STRADB: variants seen among roughly 807,000 people sequenced by gnomAD.
The protein encoded by STRADB is STE20-related kinase adapter protein beta.
Under a neutral mutation model 52.1 loss-of-function variants are expected in STRADB, and 34 were observed. That is an observed-to-expected ratio of 0.65 (90% CI 0.50 to 0.87). The LOEUF is 0.87. Among genes scored for constraint, STRADB ranks in the 40% least tolerant of loss-of-function variants. The pLI is 0.00. For missense variants in STRADB, 340 were observed against 483.9 expected (o/e 0.70, Z 2.79); for synonymous variants, 133 against 174.5 (o/e 0.76, Z 1.87).
At chr2:201,464,539 C>A (rs1032064145) in intron 3 of STRADB, among the ~76,000 whole-genome samples, 1 of 152,242 alleles carries the variant, frequency 6.6e-6, no homozygotes, top group African/African-American at 2.4e-5. Flanking sequence ...TGGGTCAGAC[C>A]TGAAGCTCAG....
chr2:201,470,866 A>G (rs1020448462), intron 4 of STRADB, among the ~76,000 whole-genome samples: 2 of 152,232 alleles, frequency 1.3e-5, no homozygotes, highest in African/African-American at 4.8e-5. Context: ...TGAAAAAGGA[A>G]TATTTGAACA....
At chr2:201,459,489 T>C (rs538363996) in intron 3 of STRADB, among the ~76,000 whole-genome samples, 1 of 152,348 alleles carries the variant, frequency 6.6e-6, no homozygotes, top group East Asian at 1.9e-4. Flanking sequence ...CTAAAAACTT[T>C]AGAGTTATCC....
intron 6 of STRADB, 64 bp downstream of exon 6, chr2:201,474,819 G>A: frequency 8.0e-7 from 1 of 1,245,366 alleles, no homozygotes; most frequent in Non-Finnish European, 1.1e-6. Context: ...AGATGAGTTG[G>A]GATTTTAGAT....
At chr2:201,477,563 A>G in intron 7 of STRADB, 56 bp from the exon 8 acceptor site, 1 of 1,471,814 alleles carries the variant, frequency 6.8e-7, no homozygotes, top group South Asian at 1.2e-5. Flanking sequence ...CCAGATTTTT[A>G]TTCTTTCTTC....
chr2:201,473,241 T>G (rs1185517579), intron 5 of STRADB, among the ~76,000 whole-genome samples, 165 bp downstream of exon 5: 1 of 152,190 alleles, frequency 6.6e-6, no homozygotes, highest in Non-Finnish European at 1.5e-5. Context: ...AGCATTTACA[T>G]TGTATTAGGC....
chr2:201,472,664 A>G (rs768241076), intron 4 of STRADB, among the ~76,000 whole-genome samples: 24 of 152,092 alleles, frequency 1.6e-4, no homozygotes, highest in Non-Finnish European at 2.6e-4. Context: ...ATCATAATAG[A>G]TATGTAATGG....
intron 3 of STRADB, among the ~76,000 whole-genome samples, chr2:201,467,686 G>A (rs1038055696): frequency 2.6e-5 from 4 of 151,992 alleles, no homozygotes; most frequent in Admixed American, 1.3e-4. Context: ...ATTGTTGCTG[G>A]AACCTTCACC....
Position 201,479,495 on chromosome 2 carries a change from A to G in STRADB, c.1077A>G (p.Ser359=), listed in dbSNP as rs1367677078. The G allele has an allele frequency of 1.9e-6, 3 of 1,601,728 alleles. No homozygotes were observed. The highest frequency in any genetic ancestry group is 2.5e-6 in the Non-Finnish European group (3 of 1,177,244). ...ACTTTCTTAAAAATTTCAGGCCATC[A>G]GCAAGCAGTTTATTGTCCCATGTTT... ...CLQQDPEKRP[S]ASSLLSHVFF... Residue 359 remains serine (S), a synonymous_variant, in exon 11 of 12, where the codon TCA becomes TCG. Transcript: ENST00000194530.
At chr2:201,479,775 T>C (rs1251775298) in intron 11 of STRADB, among the ~76,000 whole-genome samples, 1 of 152,176 alleles carries the variant, frequency 6.6e-6, no homozygotes, top group Non-Finnish European at 1.5e-5. Context: ...ATGCTTGGTG[T>C]ATATTTTGAT....
At chr2:201,454,603 G>GA in intron 1 of STRADB, 143 bp from the exon 2 acceptor site, 1 of 382,740 alleles carries the variant, frequency 2.6e-6, no homozygotes, top group Non-Finnish European at 4.7e-6. Context: ...TACTTTTCAG[G>GA]AATGTCTCCT....
At chr2:201,452,274 G>A (rs1475050658) in intron 1 of STRADB, among the ~76,000 whole-genome samples, 1 of 152,148 alleles carries the variant, frequency 6.6e-6, no homozygotes, top group East Asian at 1.9e-4. Flanking sequence ...CTCACCTTTG[G>A]CCGCGCTCTC....
intron 6 of STRADB, 60 bp downstream of exon 6, chr2:201,474,815 G>GT: frequency 7.8e-7 from 1 of 1,287,030 alleles, no homozygotes; most frequent in South Asian, 1.4e-5. Context: ...ATATAGATGA[G>GT]TTGGGATTTT....
chr2:201,457,472 G>A (rs1223344123), intron 2 of STRADB: 1 of 152,098 alleles, frequency 6.6e-6, no homozygotes. Context: ...ATAAAACAGT[G>A]GGAATATATA....
intron 5 of STRADB, among the ~76,000 whole-genome samples, chr2:201,473,661 A>AT (rs1294444745): frequency 3.9e-5 from 6 of 152,320 alleles, no homozygotes; most frequent in African/African-American, 1.4e-4. Flanking sequence ...TCAAAATGCT[A>AT]GTCTGGAGTT....
At chr2:201,477,227 G>C (rs527892591) in intron 7 of STRADB, among the ~76,000 whole-genome samples, 1 of 151,118 alleles carries the variant, frequency 6.6e-6, no homozygotes, top group East Asian at 2.0e-4. Flanking sequence ...ACCACGCCTG[G>C]CTAATTTTTT....
chr2:201,460,788 C>A, intron 3 of STRADB: 1 of 368,732 alleles, frequency 2.7e-6, no homozygotes, highest in Non-Finnish European at 5.8e-6. Context: ...AAGTTTCTTC[C>A]AAGTCTTGGC....
At chr2:201,478,247 T>C (rs1952511570) in intron 9 of STRADB, 56 bp downstream of exon 9, 2 of 1,590,952 alleles carry the variant, frequency 1.3e-6, no homozygotes, top group Admixed American at 3.5e-5. Flanking sequence ...GCTTACATTC[T>C]AGATAATTTC....
In STRADB at chr2:201,480,664, A is replaced by G. The variant is rs1050674861; in HGVS notation, c.*489A>G. 1 of 987,612 alleles carries G rather than the reference A, an allele frequency of 1.0e-6. No homozygotes were observed. The allele number at this position is 987,612 out of a possible 1,614,324, so 61.2% of individuals were successfully genotyped here. ...TGTGCTTTCCCTTTTTCTTCTGTTAATACTTATGGTAACACCTAACTGAGC... is the reference window on the plus strand; with the variant it reads ...TGTGCTTTCCCTTTTTCTTCTGTTAGTACTTATGGTAACACCTAACTGAGC... On this transcript the variant is annotated 3_prime_UTR_variant, in exon 12 of 12. Transcript: ENST00000194530.
intron 3 of STRADB, among the ~76,000 whole-genome samples, chr2:201,462,773 A>C (rs1952235862): frequency 6.6e-6 from 1 of 152,124 alleles, no homozygotes; most frequent in South Asian, 2.1e-4. Flanking sequence ...TCATTTGTTC[A>C]TCTTTTAATC....
Sources: allele counts gnomAD v4.1 joint callset (sites outside exome capture counted in the v4.1 genomes callset), GRCh38; gene constraint gnomAD v4.1.1; transcripts MANE v1.5; gene names NCBI Gene and HGNC (gene_info 2026-07-23, HGNC 2026-07-21).